Variants in EYA3 observed in about 807,000 individuals in gnomAD.
The protein encoded by EYA3 is EYA transcriptional coactivator and phosphatase 3, also known as protein phosphatase EYA3.
A neutral mutation model predicts 80.0 loss-of-function variants in EYA3; 39 were observed. That is an observed-to-expected ratio of 0.49 (90% CI 0.38 to 0.64). The LOEUF (loss-of-function observed/expected upper bound fraction) is 0.64. EYA3 is among the 30% of genes least tolerant of loss of function. EYA3 has a pLI of 0.00. For synonymous variants in EYA3, 206 were observed against 232.8 expected, an observed-to-expected ratio of 0.88 and a Z score of 1.05; for missense variants, 523 against 676.1, an observed-to-expected ratio of 0.77 and a Z score of 2.51.
At chr1:27,980,766 G>A (rs898845744) in intron 16 of EYA3, among the ~76,000 whole-genome samples, 16 of 152,154 alleles carry the variant, frequency 1.1e-4, no homozygotes, top group African/African-American at 3.4e-4. Context: ...AGCCAGGAGC[G>A]GTGGCTCAAG....
chr1:28,018,353 G>GC (rs1642209716), intron 7 of EYA3, among the ~76,000 whole-genome samples: 1 of 152,130 alleles, frequency 6.6e-6, no homozygotes, highest in Non-Finnish European at 1.5e-5. Flanking sequence ...TCAATGACTA[G>GC]CACTAACCAG....
chr1:28,002,870 C>T (rs1640973708), intron 11 of EYA3, among the ~76,000 whole-genome samples: 1 of 151,846 alleles, frequency 6.6e-6, no homozygotes, highest in South Asian at 2.1e-4. Context: ...CCTGTAATCC[C>T]AGCACTTTGG....
chr1:28,020,667 C>CGTGTGTGTGTGTGTGTGTGTGTGT (rs56017264), intron 7 of EYA3, among the ~76,000 whole-genome samples: 8 of 134,562 alleles, frequency 5.9e-5, no homozygotes, highest in Admixed American at 1.5e-4. Flanking sequence ...TACAGATCAT[C>CGTGTGTGTGTGTGTGTGTGTGTGT]GTGTGTGTGT....
chr1:27,988,954 C>T (rs1277531654), intron 15 of EYA3, among the ~76,000 whole-genome samples: 1 of 152,122 alleles, frequency 6.6e-6, no homozygotes, highest in Admixed American at 6.6e-5. Context: ...TAAATACCAC[C>T]AACCCATGTC....
intron 16 of EYA3, among the ~76,000 whole-genome samples, chr1:27,981,250 A>G (rs181960991): frequency 5.3e-5 from 8 of 152,338 alleles, no homozygotes; most frequent in African/African-American, 1.7e-4. Context: ...TGGTTACCAT[A>G]GCACCAGATC....
chr1:28,005,463 T>C (rs1174317130), intron 10 of EYA3, among the ~76,000 whole-genome samples: 4 of 152,092 alleles, frequency 2.6e-5, no homozygotes, highest in East Asian at 1.9e-4. Flanking sequence ...CCTGTAAACC[T>C]AGCACTGTGA....
chr1:28,026,952 A>G (rs1317290949), intron 7 of EYA3, among the ~76,000 whole-genome samples: 1 of 152,230 alleles, frequency 6.6e-6, no homozygotes, highest in African/African-American at 2.4e-5. Context: ...AACCTATATT[A>G]AAACTTTTTT....
chr1:28,005,364 G>GACTAAGGC (rs1486963238), intron 10 of EYA3, among the ~76,000 whole-genome samples: 1 of 152,172 alleles, frequency 6.6e-6, no homozygotes, highest in Non-Finnish European at 1.5e-5. Context: ...ACCAAAGTCA[G>GACTAAGGC]ACTAAGGCAC....
chr1:28,061,971 T>G (rs1290294126), intron 1 of EYA3, among the ~76,000 whole-genome samples: 1 of 152,166 alleles, frequency 6.6e-6, no homozygotes, highest in African/African-American at 2.4e-5. Context: ...TTCAGTGAGA[T>G]TCATCTTTTA....
chr1:27,994,818 A>C (rs1640319660), intron 13 of EYA3, among the ~76,000 whole-genome samples: 1 of 151,376 alleles, frequency 6.6e-6, no homozygotes, highest in African/African-American at 2.4e-5. Context: ...AAAATTTTTT[A>C]ATTAGTCAGG....
chr1:28,070,117 T>G (rs1315038516), intron 1 of EYA3, among the ~76,000 whole-genome samples: 2 of 152,346 alleles, frequency 1.3e-5, no homozygotes, highest in South Asian at 4.1e-4. Flanking sequence ...GGTAATTTGT[T>G]ATGGCAGCCA....
chr1:28,002,167 G>A (rs1055166095), intron 11 of EYA3, among the ~76,000 whole-genome samples: 15 of 151,816 alleles, frequency 9.9e-5, no homozygotes, highest in Non-Finnish European at 2.1e-4. Flanking sequence ...TGCCCTCCTC[G>A]GCCTCCCAAA....
intron 1 of EYA3, among the ~76,000 whole-genome samples, chr1:28,061,677 G>A (rs1489749577): frequency 6.6e-6 from 1 of 151,658 alleles, no homozygotes; most frequent in Non-Finnish European, 1.5e-5. Flanking sequence ...TCAGCTCACT[G>A]CAAGCTCCGC....
intron 4 of EYA3, among the ~76,000 whole-genome samples, chr1:28,040,239 C>G (rs1643700432): frequency 6.6e-6 from 1 of 152,202 alleles, no homozygotes; most frequent in Non-Finnish European, 1.5e-5. Context: ...GTAAAACTAA[C>G]AGGACATTCT....
Position 27,974,399 on chromosome 1 carries a change from G to A in EYA3, c.*67C>T. 1.7e-6 allele frequency: 2 copies of A among 1,171,842 alleles called. No individual in the cohort carries two copies. Among genetic ancestry groups the A allele is most frequent in the South Asian group, 2.6e-5 (2 of 76,962 alleles). 72.6% of individuals were successfully genotyped at this position (1,171,842 alleles called of 1,614,324 possible). ...AGACAGACAGAGAAAGTTCTCAGTTGGTTCCAGTCTCCAGCTCCCTTCAGG... is the reference window on the plus strand; with the variant it reads ...AGACAGACAGAGAAAGTTCTCAGTTAGTTCCAGTCTCCAGCTCCCTTCAGG... On this transcript the variant is annotated 3_prime_UTR_variant, in exon 18 of 18. Coordinates refer to ENST00000373871, the MANE Select transcript of EYA3 (RefSeq NM_001990.4).
At chr1:28,002,899 T>C (rs1024367389) in intron 11 of EYA3, among the ~76,000 whole-genome samples, 6 of 151,298 alleles carry the variant, frequency 4.0e-5, no homozygotes, top group Non-Finnish European at 5.9e-5. Flanking sequence ...GGCAGGCGGA[T>C]CACTTGAGGC....
intron 6 of EYA3, among the ~76,000 whole-genome samples, chr1:28,029,444 T>C (rs1238997650): frequency 6.6e-6 from 1 of 152,216 alleles, no homozygotes; most frequent in African/African-American, 2.4e-5. Context: ...AGTATCTGCC[T>C]TTTAATTTGC....
chr1:28,043,238 A>G (rs1643880749), intron 3 of EYA3, among the ~76,000 whole-genome samples: 1 of 151,952 alleles, frequency 6.6e-6, no homozygotes, highest in Non-Finnish European at 1.5e-5. Context: ...CTTTAACACC[A>G]TATGGTAAAA....
chr1:28,036,107 G>A (rs560413883), intron 5 of EYA3, among the ~76,000 whole-genome samples: 3 of 152,164 alleles, frequency 2.0e-5, no homozygotes, highest in Admixed American at 6.5e-5. Context: ...GAGCCACTGC[G>A]CCCGGCCTAA....
Sources: allele counts gnomAD v4.1 joint callset (sites outside exome capture counted in the v4.1 genomes callset), GRCh38; gene constraint gnomAD v4.1.1; transcripts MANE v1.5; gene names NCBI Gene and HGNC (gene_info 2026-07-23, HGNC 2026-07-21).